Variants in NR2F1-AS1 observed in about 807,000 individuals in gnomAD.
The protein encoded by NR2F1-AS1 is NR2F1 regulatory antisense RNA 1.
chr5:93,447,027 C>T (rs1749726211), intron 4 of NR2F1-AS1, among the ~76,000 whole-genome samples: 1 of 152,166 alleles, frequency 6.6e-6, no homozygotes, highest in East Asian at 1.9e-4. Flanking sequence ...TGGATCCCTT[C>T]CTTACATCTT....
intron 4 of NR2F1-AS1, among the ~76,000 whole-genome samples, chr5:93,412,911 C>T (rs1748888902): frequency 6.6e-6 from 1 of 152,136 alleles, no homozygotes; most frequent in African/African-American, 2.4e-5. Flanking sequence ...CACTTGGTCA[C>T]TAAGGACTGG....
intron 4 of NR2F1-AS1, among the ~76,000 whole-genome samples, chr5:93,516,432 C>G (rs1176276201): frequency 6.6e-6 from 1 of 151,806 alleles, no homozygotes; most frequent in Non-Finnish European, 1.5e-5. Context: ...AAATAACTTA[C>G]ATTTGTACTG....
At chr5:93,562,195 A>AAAAAAAAAAAGAAAAGAAAAG (rs755007063) in intron 2 of NR2F1-AS1, among the ~76,000 whole-genome samples, 2 of 136,662 alleles carry the variant, frequency 1.5e-5, no homozygotes, top group East Asian at 2.0e-4. Context: ...AAAAAAAAAA[A>AAAAAAAAAAAGAAAAGAAAAG]AAAAGAAAAG....
intron 4 of NR2F1-AS1, among the ~76,000 whole-genome samples, chr5:93,551,263 CTA>C (rs1379046989): frequency 6.6e-6 from 1 of 151,976 alleles, no homozygotes; most frequent in Non-Finnish European, 1.5e-5. Context: ...CAGTATATTT[CTA>C]TATATTCTAA....
chr5:93,513,821 T>C (rs1751348669), intron 4 of NR2F1-AS1, among the ~76,000 whole-genome samples: 1 of 152,118 alleles, frequency 6.6e-6, no homozygotes, highest in African/African-American at 2.4e-5. Context: ...GATGAAATTA[T>C]TCTTTAATGT....
At chr5:93,417,466 C>T (rs1748992043) in intron 4 of NR2F1-AS1, among the ~76,000 whole-genome samples, 1 of 152,164 alleles carries the variant, frequency 6.6e-6, no homozygotes, top group South Asian at 2.1e-4. Context: ...TATAAAACTG[C>T]CAATACATAA....
chr5:93,552,651 T>A (rs1215166611), intron 4 of NR2F1-AS1, among the ~76,000 whole-genome samples: 3 of 146,332 alleles, frequency 2.1e-5, no homozygotes, highest in African/African-American at 2.5e-5. Flanking sequence ...AGAAGAAAAA[T>A]TGAAAGATAA....
upstream of NR2F1-AS1, among the ~76,000 whole-genome samples, chr5:93,581,690 C>G (rs1753043607): frequency 7.3e-5 from 4 of 54,830 alleles, no homozygotes; most frequent in African/African-American, 1.1e-4. Context: ...CTCTCTCTCT[C>G]TCTCTCTCTC....
intron 2 of NR2F1-AS1, among the ~76,000 whole-genome samples, chr5:93,557,061 A>C (rs949417057): frequency 3.3e-5 from 5 of 152,234 alleles, no homozygotes; most frequent in African/African-American, 1.2e-4. Context: ...AAAACTTCTA[A>C]GAATAAACAT....
chr5:93,517,856 A>T (rs1014171825), intron 4 of NR2F1-AS1, among the ~76,000 whole-genome samples: 2 of 152,100 alleles, frequency 1.3e-5, no homozygotes, highest in African/African-American at 4.8e-5. Flanking sequence ...AAGTAGGAAG[A>T]ATGAGACTAT....
In NR2F1-AS1 at chr5:93,486,552, C is replaced by T. The variant is rs147132335; in HGVS notation, n.638+67209G>A. On this transcript the variant is annotated intron_variant and non_coding_transcript_variant, in intron 4 of 5. Transcript: ENST00000660523. ...TCCCAAGACTAAACCAGGAAGATGT[C>T]GAATCCCTGAAGAAACCAATAACAA... Among the ~76,000 whole-genome samples the T allele has an allele frequency of 8.2e-3, 1,250 of 152,154 alleles. 7 individuals are homozygous for T. The highest frequency in any genetic ancestry group is 0.014 in the Middle Eastern group (4 of 294).
chr5:93,526,106 T>C (rs1363080284), intron 4 of NR2F1-AS1, among the ~76,000 whole-genome samples: 1 of 152,074 alleles, frequency 6.6e-6, no homozygotes, highest in Non-Finnish European at 1.5e-5. Flanking sequence ...GATAGACTGC[T>C]AGCCAGACTA....
intron 4 of NR2F1-AS1, among the ~76,000 whole-genome samples, chr5:93,498,057 C>T (rs1751001596): frequency 6.6e-6 from 1 of 152,050 alleles, no homozygotes; most frequent in Non-Finnish European, 1.5e-5. Flanking sequence ...GGCACAGTGG[C>T]TCATGCCTGT....
upstream of NR2F1-AS1, chr5:93,581,340 G>A (rs183549781): frequency 6.6e-6 from 1 of 152,336 alleles, no homozygotes; most frequent in African/African-American, 2.4e-5. Flanking sequence ...CTGCCTAGGG[G>A]AGCGATCTCA....
At chr5:93,451,656 G>A (rs1749833555) in intron 4 of NR2F1-AS1, among the ~76,000 whole-genome samples, 1 of 152,064 alleles carries the variant, frequency 6.6e-6, no homozygotes, top group Non-Finnish European at 1.5e-5. Flanking sequence ...GTCCACCTTG[G>A]CCTCCCAAAG....
chr5:93,585,114 C>CGCGGCGGCG (rs954495672), upstream of NR2F1-AS1: 1 of 984,734 alleles, frequency 1.0e-6, no homozygotes, highest in Non-Finnish European at 1.2e-6. Context: ...GCAGGCGGCC[C>CGCGGCGGCG]GCGGCGGCGG....
At position 93,497,815 on chromosome 5, in the gene NR2F1-AS1, T is replaced by A. The variant is rs567167054; in HGVS notation, n.638+55946A>T. On this transcript the variant is annotated intron_variant and non_coding_transcript_variant, in intron 4 of 5. Coordinates refer to ENST00000660523, the Ensembl canonical transcript of NR2F1-AS1. ...AAGTTAAGATTCTCATTAGCTTTCA[T>A]GCATTCCTCATGTTTTCATTAAACA... 3.9e-5 allele frequency among the ~76,000 whole-genome samples: 6 copies of A among 152,344 alleles called. No individual in the cohort carries two copies. In the South Asian group the frequency reaches 8.3e-4, roughly 21 times the overall value.
intron 4 of NR2F1-AS1, chr5:93,409,828 G>A (rs563771026): frequency 1.3e-5 from 2 of 152,236 alleles, no homozygotes; most frequent in African/African-American, 4.8e-5. Context: ...AGTTTATACA[G>A]AGCAACATTG....
chr5:93,453,658 C>T (rs979038642), intron 4 of NR2F1-AS1, among the ~76,000 whole-genome samples: 40 of 151,974 alleles, frequency 2.6e-4, no homozygotes, highest in Admixed American at 2.6e-3. Flanking sequence ...TAGAAAACTT[C>T]TCATCAAAAA....
Sources: allele counts gnomAD v4.1 joint callset (sites outside exome capture counted in the v4.1 genomes callset), GRCh38; gene constraint gnomAD v4.1.1; transcripts MANE v1.5; gene names NCBI Gene and HGNC (gene_info 2026-07-23, HGNC 2026-07-21).